Variants in BMPER observed in about 807,000 individuals in gnomAD.
BMPER encodes the protein BMP-binding endothelial regulator protein.
BMPER carries 45 observed loss-of-function variants against 87.3 expected under a neutral mutation model. The observed-to-expected ratio is 0.52, with a 90% CI of 0.41 to 0.66. The LOEUF is 0.66. Ranked by LOEUF, BMPER falls within the 30% of genes least tolerant of loss-of-function variation. The probability of loss-of-function intolerance (pLI) is 0.00; values close to 1 mark genes in which losing one functional copy is unlikely to be tolerated. For synonymous variants in BMPER, 326 were observed against 316.2 expected (o/e 1.03, Z -0.33); for missense variants, 784 against 867.5 (o/e 0.90, Z 1.21).
chr7:34,154,934 G>C lies in BMPER; in HGVS notation c.*1661G>C, dbSNP rs1791273716. ...GTTTCAATGCTGCCCTTGGAAAGAA[G>C]ACTTTGACTTAGGTGCTTTGGGATC... is the stretch of plus-strand genomic sequence containing the variant. On this transcript the variant is annotated 3_prime_UTR_variant, in exon 15 of 15. Coordinates refer to ENST00000649409, the MANE Select transcript of BMPER (RefSeq NM_001365308.1). The C allele has an allele frequency of 1.3e-5, 2 of 152,066 alleles. No homozygotes were observed. Among genetic ancestry groups the C allele is most frequent in the South Asian group, 2.1e-4 (1 of 4,818 alleles). 9.4% of individuals were successfully genotyped at this position (152,066 alleles called of 1,614,324 possible). A position where few individuals can be genotyped will look rare whatever the true frequency, so the allele number is the denominator to read the frequency against.
chr7:34,029,861 A>G (rs1053053400), intron 6 of BMPER, among the ~76,000 whole-genome samples: 6 of 152,070 alleles, frequency 3.9e-5, no homozygotes, highest in Admixed American at 2.0e-4. Flanking sequence ...GTAGCCAGCT[A>G]TGTTTTCAGA....
At chr7:34,058,269 G>A (rs1788338473) in intron 10 of BMPER, 106 bp downstream of exon 10, 1 of 1,065,112 alleles carries the variant, frequency 9.4e-7, no homozygotes, top group Non-Finnish European at 1.4e-6. Flanking sequence ...CTCCCCCAAA[G>A]CCTCTACATT....
chr7:34,082,165 A>T (rs1789066873), intron 12 of BMPER, among the ~76,000 whole-genome samples: 1 of 152,096 alleles, frequency 6.6e-6, no homozygotes, highest in African/African-American at 2.4e-5. Context: ...TGACTCTGCC[A>T]GTTATTTCTA....
chr7:33,987,361 G>A (rs2392261), intron 6 of BMPER, among the ~76,000 whole-genome samples: 70,032 of 151,874 alleles, frequency 0.46, 16,384 homozygotes, highest in African/African-American at 0.53. Context: ...AATCCTCTCT[G>A]AAGATTGGAG....
intron 10 of BMPER, 34 bp from the exon 11 acceptor site, chr7:34,061,968 A>G: frequency 7.2e-7 from 1 of 1,380,814 alleles, no homozygotes; most frequent in Non-Finnish European, 9.9e-7. Context: ...TTTTTTTTAA[A>G]CAGTAACTTT....
chr7:34,095,213 A>G (rs1789496874), intron 13 of BMPER, among the ~76,000 whole-genome samples: 1 of 152,190 alleles, frequency 6.6e-6, no homozygotes, highest in Admixed American at 6.5e-5. Flanking sequence ...TGTGCTTTAC[A>G]GGGTGGAGGC....
At chr7:34,010,062 A>C (rs1461810973) in intron 6 of BMPER, among the ~76,000 whole-genome samples, 1 of 151,844 alleles carries the variant, frequency 6.6e-6, no homozygotes, top group Non-Finnish European at 1.5e-5. Context: ...TTATTTATCC[A>C]CTATCCCTCA....
chr7:34,008,388 CT>C (rs1786790815), intron 6 of BMPER, among the ~76,000 whole-genome samples: 1 of 151,872 alleles, frequency 6.6e-6, no homozygotes. Context: ...AATTCATCCA[CT>C]TTTCTTTAAC....
chr7:34,091,436 A>T (rs1789377080), intron 13 of BMPER, among the ~76,000 whole-genome samples: 1 of 152,212 alleles, frequency 6.6e-6, no homozygotes, highest in Non-Finnish European at 1.5e-5. Context: ...AAAGTGTGAC[A>T]TTGTATGCCT....
intron 6 of BMPER, among the ~76,000 whole-genome samples, chr7:33,976,478 G>T (rs779739348): frequency 2.0e-5 from 3 of 152,074 alleles, no homozygotes; most frequent in Non-Finnish European, 4.4e-5. Flanking sequence ...TTATGTAAAT[G>T]ATTTATGTAA....
At chr7:33,920,132 G>A (rs1002079359) in intron 2 of BMPER, among the ~76,000 whole-genome samples, 2 of 152,254 alleles carry the variant, frequency 1.3e-5, no homozygotes, top group South Asian at 4.1e-4. Flanking sequence ...TCTGTTGCCC[G>A]ATCTATCCCC....
At chr7:33,994,789 T>A (rs1448335517) in intron 6 of BMPER, among the ~76,000 whole-genome samples, 1 of 152,180 alleles carries the variant, frequency 6.6e-6, no homozygotes, top group Non-Finnish European at 1.5e-5. Context: ...GTCCTACCTC[T>A]ACCATTGGCT....
At chr7:34,139,514 C>G (rs1790808946) in intron 13 of BMPER, among the ~76,000 whole-genome samples, 1 of 152,208 alleles carries the variant, frequency 6.6e-6, no homozygotes, top group Non-Finnish European at 1.5e-5. Context: ...GCCTGCCTGA[C>G]TCTTTGGGTT....
chr7:33,910,995 C>T (rs980991717), intron 2 of BMPER, among the ~76,000 whole-genome samples: 1 of 152,134 alleles, frequency 6.6e-6, no homozygotes, highest in Admixed American at 6.5e-5. Flanking sequence ...TGTGTATGCA[C>T]GTGTGAAACA....
intron 6 of BMPER, among the ~76,000 whole-genome samples, chr7:34,030,430 T>C (rs1387821960): frequency 6.6e-6 from 1 of 152,112 alleles, no homozygotes; most frequent in African/African-American, 2.4e-5. Flanking sequence ...ATTTCCCCAA[T>C]GGAATATCCA....
intron 3 of BMPER, 86 bp from the exon 4 acceptor site, chr7:33,966,393 A>G: frequency 1.7e-6 from 2 of 1,182,052 alleles, no homozygotes; most frequent in Non-Finnish European, 2.5e-6. Context: ...CTGGGCTTAG[A>G]GAACATAACT....
chr7:33,960,103 GA>G (rs1785232918), intron 3 of BMPER, among the ~76,000 whole-genome samples: 1 of 152,178 alleles, frequency 6.6e-6, no homozygotes, highest in Non-Finnish European at 1.5e-5. Flanking sequence ...AAAAAGCAAT[GA>G]AAAAAATTTT....
intron 6 of BMPER, among the ~76,000 whole-genome samples, chr7:33,981,279 A>C (rs1263649628): frequency 6.6e-6 from 1 of 152,092 alleles, no homozygotes; most frequent in Non-Finnish European, 1.5e-5. Context: ...GTGCCAAATA[A>C]AGTTTGAGAA....
chr7:34,145,538 G>A (rs1325159914), intron 14 of BMPER, among the ~76,000 whole-genome samples: 1 of 152,194 alleles, frequency 6.6e-6, no homozygotes, highest in East Asian at 1.9e-4. Context: ...GGTAGAATAT[G>A]TGAGGGTGAG....
Sources: allele counts gnomAD v4.1 joint callset (sites outside exome capture counted in the v4.1 genomes callset), GRCh38; gene constraint gnomAD v4.1.1; transcripts MANE v1.5; gene names NCBI Gene and HGNC (gene_info 2026-07-23, HGNC 2026-07-21).